Variants in PDE7B observed in about 807,000 individuals in gnomAD.
PDE7B encodes the protein phosphodiesterase 7B.
Under a neutral mutation model 56.2 loss-of-function variants are expected in PDE7B, and 29 were observed. The ratio of observed to expected loss-of-function variants is 0.52; its 90% confidence interval spans 0.38 to 0.70. The LOEUF (loss-of-function observed/expected upper bound fraction) is 0.70, where lower values mean the gene tolerates loss of function less well. Among genes scored for constraint, PDE7B ranks in the 30% least tolerant of loss-of-function variants. PDE7B has a pLI of 0.00. For missense variants in PDE7B, 490 were observed against 565.0 expected, an observed-to-expected ratio of 0.87 and a Z score of 1.35; for synonymous variants, 197 against 196.9, an observed-to-expected ratio of 1.00 and a Z score of 0.00.
At chr6:136,007,572 T>C (rs1775809790) in intron 2 of PDE7B, among the ~76,000 whole-genome samples, 2 of 151,834 alleles carry the variant, frequency 1.3e-5, no homozygotes, top group Non-Finnish European at 2.9e-5. Flanking sequence ...GAGGATGACA[T>C]GTAGCTGACA....
chr6:135,899,144 T>C (rs191835712), intron 1 of PDE7B, among the ~76,000 whole-genome samples: 1 of 152,254 alleles, frequency 6.6e-6, no homozygotes, highest in African/African-American at 2.4e-5. Flanking sequence ...TCTGCCATGA[T>C]TGTGAGGCCT....
intron 2 of PDE7B, among the ~76,000 whole-genome samples, chr6:136,039,645 G>GA (rs1021053557): frequency 2.0e-5 from 3 of 151,964 alleles, no homozygotes; most frequent in African/African-American, 7.2e-5. Flanking sequence ...TTAAAAGGGA[G>GA]AAAAAAACAG....
intron 2 of PDE7B, chr6:136,037,836 A>G (rs1776349822): frequency 1.0e-5 from 10 of 985,438 alleles, no homozygotes; most frequent in Non-Finnish European, 1.2e-5. Flanking sequence ...AATTGAGAAC[A>G]AATAAATCAG....
At chr6:136,018,872 T>C (rs1188940240) in intron 2 of PDE7B, among the ~76,000 whole-genome samples, 1 of 152,080 alleles carries the variant, frequency 6.6e-6, no homozygotes, top group Non-Finnish European at 1.5e-5. Flanking sequence ...TTCACTGATC[T>C]CCTAAATATG....
intron 1 of PDE7B, among the ~76,000 whole-genome samples, chr6:135,894,651 T>C (rs1315134893): frequency 6.6e-6 from 1 of 152,170 alleles, no homozygotes; most frequent in African/African-American, 2.4e-5. Flanking sequence ...ATTATTCCAA[T>C]GAGCTCTGCA....
chr6:135,931,623 A>G (rs559084554), intron 1 of PDE7B, among the ~76,000 whole-genome samples: 1 of 152,324 alleles, frequency 6.6e-6, no homozygotes, highest in African/African-American at 2.4e-5. Context: ...AATGGAATAT[A>G]TTATGGGAAG....
chr6:136,073,172 G>A lies in PDE7B; in HGVS notation c.83-35559G>A, dbSNP rs1005730872. 2.6e-5 allele frequency among the ~76,000 whole-genome samples: 4 copies of A among 152,148 alleles called. No individual in the cohort carries two copies. The South Asian group carries it at 8.3e-4, about 32-fold the overall frequency. On this transcript the variant is annotated intron_variant, in intron 2 of 12. Coordinates refer to ENST00000308191, the MANE Select transcript of PDE7B (RefSeq NM_018945.4). Reference sequence around the variant, plus strand: ...TCATATCACACAACTAGGGCCACAAGCAAAGTCCTCCATCTGAATGACATT... The same window carrying A: ...TCATATCACACAACTAGGGCCACAAACAAAGTCCTCCATCTGAATGACATT...
At chr6:136,030,832 A>C (rs1329151724) in intron 2 of PDE7B, among the ~76,000 whole-genome samples, 1 of 152,248 alleles carries the variant, frequency 6.6e-6, no homozygotes, top group Non-Finnish European at 1.5e-5. Flanking sequence ...TCATGGAGAA[A>C]CTGGCCTAAC....
At chr6:135,879,890 A>G (rs1301069337) in intron 1 of PDE7B, among the ~76,000 whole-genome samples, 3 of 152,230 alleles carry the variant, frequency 2.0e-5, no homozygotes, top group South Asian at 2.1e-4. Flanking sequence ...GCTTGCTGAT[A>G]CAAAGAACTC....
intron 1 of PDE7B, among the ~76,000 whole-genome samples, chr6:135,870,324 C>T (rs988863034): frequency 6.6e-6 from 1 of 152,050 alleles, no homozygotes; most frequent in East Asian, 1.9e-4. Context: ...GGCTCTGCCC[C>T]CTATCAGCTT....
intron 2 of PDE7B, among the ~76,000 whole-genome samples, chr6:135,959,684 G>A (rs1774863066): frequency 6.6e-6 from 1 of 152,060 alleles, no homozygotes; most frequent in South Asian, 2.1e-4. Context: ...ATGCCAAGAG[G>A]ACTCTGGGTA....
chr6:136,067,416 T>C (rs1776961183), intron 2 of PDE7B, among the ~76,000 whole-genome samples: 1 of 152,188 alleles, frequency 6.6e-6, no homozygotes, highest in African/African-American at 2.4e-5. Context: ...AAATCCCTAC[T>C]AGACTTTATG....
At chr6:135,873,085 G>A (rs543737686) in intron 1 of PDE7B, among the ~76,000 whole-genome samples, 28 of 152,078 alleles carry the variant, frequency 1.8e-4, no homozygotes, top group Non-Finnish European at 3.4e-4. Context: ...CCATGTATAC[G>A]ATTGCTCCAT....
At chr6:136,097,460 C>T (rs1167941293) in intron 2 of PDE7B, among the ~76,000 whole-genome samples, 3 of 152,064 alleles carry the variant, frequency 2.0e-5, no homozygotes, top group Non-Finnish European at 4.4e-5. Flanking sequence ...ATCTCTAAAA[C>T]CTATTCACTT....
chr6:135,970,762 C>CG (rs2128202821), intron 2 of PDE7B, among the ~76,000 whole-genome samples: 1 of 152,260 alleles, frequency 6.6e-6, no homozygotes, highest in South Asian at 2.1e-4. Context: ...GAAAGAACTA[C>CG]GACATTCGTC....
intron 2 of PDE7B, among the ~76,000 whole-genome samples, chr6:135,973,015 G>A (rs949827884): frequency 7.9e-5 from 12 of 152,242 alleles, no homozygotes; most frequent in African/African-American, 2.4e-4. Context: ...TTTAACAAAT[G>A]TTTGAGTGTA....
intron 1 of PDE7B, among the ~76,000 whole-genome samples, chr6:135,906,832 T>TTTTTTTTTTTTTTTTTTTTTTG (rs1257351941): frequency 6.9e-6 from 1 of 144,008 alleles, no homozygotes; most frequent in African/African-American, 2.7e-5. Context: ...TTTTTTTTTT[T>TTTTTTTTTTTTTTTTTTTTTTG]TTTTAATCCT....
chr6:136,126,373 C>T (rs139408463), intron 3 of PDE7B, among the ~76,000 whole-genome samples: 1 of 152,188 alleles, frequency 6.6e-6, no homozygotes, highest in Non-Finnish European at 1.5e-5. Context: ...AAGAGAACAA[C>T]CACTATGGAA....
At chr6:135,983,646 C>T (rs184936135) in intron 2 of PDE7B, among the ~76,000 whole-genome samples, 24 of 152,226 alleles carry the variant, frequency 1.6e-4, no homozygotes, top group African/African-American at 4.3e-4. Flanking sequence ...GTGTCTCATA[C>T]GTGAGCATTT....
Sources: allele counts gnomAD v4.1 joint callset (sites outside exome capture counted in the v4.1 genomes callset), GRCh38; gene constraint gnomAD v4.1.1; transcripts MANE v1.5; gene names NCBI Gene and HGNC (gene_info 2026-07-23, HGNC 2026-07-21).